Variants in GNA12 observed in about 807,000 individuals in gnomAD.
GNA12 encodes G protein subunit alpha 12, also known as guanine nucleotide-binding protein subunit alpha-12.
Under a neutral mutation model 26.0 loss-of-function variants are expected in GNA12, and 9 were observed. That is an observed-to-expected ratio of 0.35 (90% CI 0.21 to 0.60). GNA12 has a LOEUF of 0.60. Among genes scored for constraint, GNA12 ranks in the 20% least tolerant of loss-of-function variants. The pLI is 0.78. For synonymous variants in GNA12, 264 were observed against 219.6 expected, an observed-to-expected ratio of 1.20 and a Z score of -1.79; for missense variants, 405 against 525.8, an observed-to-expected ratio of 0.77 and a Z score of 2.25.
At chr7:2,820,304 G>A (rs2115494634) in intron 1 of GNA12, among the ~76,000 whole-genome samples, 1 of 152,064 alleles carries the variant, frequency 6.6e-6, no homozygotes, top group South Asian at 2.1e-4. Context: ...ATTGACTGTG[G>A]TGATGGCTGC....
intron 2 of GNA12, among the ~76,000 whole-genome samples, chr7:2,794,266 G>C (rs1222982949): frequency 1.3e-5 from 2 of 152,118 alleles, no homozygotes; most frequent in African/African-American, 4.8e-5. Context: ...GAGAGTGAGA[G>C]GCATTTCTGG....
intron 1 of GNA12, among the ~76,000 whole-genome samples, chr7:2,803,865 G>C (rs1169898746): frequency 2.6e-5 from 4 of 151,614 alleles, no homozygotes; most frequent in Non-Finnish European, 5.9e-5. Flanking sequence ...CAGATCTCCT[G>C]AACTGGAAAG....
At chr7:2,736,199 C>G (rs974223812) in intron 2 of GNA12, among the ~76,000 whole-genome samples, 1 of 152,068 alleles carries the variant, frequency 6.6e-6, no homozygotes, top group African/African-American at 2.4e-5. Flanking sequence ...TGAAATTAAC[C>G]GCTTGGTGGG....
chr7:2,811,324 C>T (rs921100781), intron 1 of GNA12, among the ~76,000 whole-genome samples: 16 of 152,180 alleles, frequency 1.1e-4, no homozygotes, highest in South Asian at 2.1e-4. Context: ...GTGCTGCAAG[C>T]GGGGTGACCT....
intron 2 of GNA12, among the ~76,000 whole-genome samples, chr7:2,768,952 G>A (rs544069060): frequency 1.3e-5 from 2 of 152,312 alleles, no homozygotes; most frequent in African/African-American, 4.8e-5. Flanking sequence ...TTGAGATGGA[G>A]TCTCGCTCCG....
At chr7:2,752,161 G>A (rs947201605) in intron 2 of GNA12, among the ~76,000 whole-genome samples, 2 of 151,718 alleles carry the variant, frequency 1.3e-5, no homozygotes, top group African/African-American at 4.8e-5. Context: ...CACTATTTTA[G>A]CAAAATAAGG....
intron 1 of GNA12, among the ~76,000 whole-genome samples, chr7:2,837,040 G>A (rs1398941850): frequency 6.6e-6 from 1 of 152,210 alleles, no homozygotes; most frequent in Non-Finnish European, 1.5e-5. Context: ...CAAGGAACCA[G>A]GTGACATGCT....
intron 1 of GNA12, among the ~76,000 whole-genome samples, chr7:2,826,144 G>A (rs1277031289): frequency 1.3e-5 from 2 of 152,026 alleles, no homozygotes; most frequent in Admixed American, 6.6e-5. Context: ...TTTGGGAGGC[G>A]CAGGCGGGCA....
rs568055145 is a variant in GNA12 at position 2,840,374 on chromosome 7, G to A, written c.309+3479C>T. Among the ~76,000 whole-genome samples, 4 of 152,272 alleles carry A rather than the reference G, an allele frequency of 2.6e-5. No homozygotes were observed. The South Asian group carries it at 8.3e-4, about 32-fold the overall frequency. ...CTCAATTTCCTCATTCACTAAATGA[G>A]GTAATACCATCTGAAGCATTATGAA... On this transcript the variant is annotated intron_variant, in intron 1 of 3. Transcript: ENST00000275364.
At chr7:2,821,633 T>A in intron 1 of GNA12, among the ~76,000 whole-genome samples, 1 of 152,186 alleles carries the variant, frequency 6.6e-6, no homozygotes, top group East Asian at 1.9e-4. Flanking sequence ...CTGCAGTTAT[T>A]CTATTTTCTC....
intron 1 of GNA12, among the ~76,000 whole-genome samples, chr7:2,810,112 G>C (rs577649460): frequency 1.3e-5 from 2 of 152,352 alleles, no homozygotes; most frequent in South Asian, 4.1e-4. Context: ...CGCTGCATGT[G>C]TTAGTCTGGG....
chr7:2,768,300 G>C (rs556860408), intron 2 of GNA12, among the ~76,000 whole-genome samples: 2 of 152,332 alleles, frequency 1.3e-5, no homozygotes, highest in South Asian at 4.1e-4. Context: ...CAAATGTAGT[G>C]ACTAAGGAAT....
chr7:2,779,645 T>C (rs1792171551), intron 2 of GNA12, among the ~76,000 whole-genome samples: 1 of 152,132 alleles, frequency 6.6e-6, no homozygotes, highest in Non-Finnish European at 1.5e-5. Flanking sequence ...GTCACCCAGG[T>C]TGGAGTGCAG....
intron 1 of GNA12, among the ~76,000 whole-genome samples, chr7:2,795,843 G>A (rs1368277817): frequency 6.7e-6 from 1 of 148,782 alleles, no homozygotes; most frequent in Non-Finnish European, 1.5e-5. Flanking sequence ...TTCTTAGATG[G>A]AGTTTCACTC....
chr7:2,737,264 GTTTTGTTTTGTT>G (rs1293981975), intron 2 of GNA12, among the ~76,000 whole-genome samples: 2 of 52,450 alleles, frequency 3.8e-5, no homozygotes, highest in Non-Finnish European at 8.0e-5. Context: ...CTATCTCACA[GTTTTGTTTTGTT>G]TTTTTTTTTT....
intron 2 of GNA12, among the ~76,000 whole-genome samples, chr7:2,750,980 T>C (rs1643606568): frequency 6.6e-6 from 1 of 152,178 alleles, no homozygotes; most frequent in Admixed American, 6.5e-5. Context: ...TCAAGAAGAA[T>C]TCACAATGTA....
chr7:2,824,973 G>A (rs1162802342), intron 1 of GNA12, among the ~76,000 whole-genome samples: 15 of 152,080 alleles, frequency 9.9e-5, no homozygotes, highest in Admixed American at 9.2e-4. Context: ...CTCTCCCTCA[G>A]GCCCCGTGAG....
chr7:2,831,594 G>A (rs944163808), intron 1 of GNA12, among the ~76,000 whole-genome samples: 2 of 151,718 alleles, frequency 1.3e-5, no homozygotes, highest in Admixed American at 6.6e-5. Context: ...TAGTAGAGAC[G>A]GGGTTTCACC....
chr7:2,766,387 C>CTTTT (rs71026553), intron 2 of GNA12, among the ~76,000 whole-genome samples: 1 of 132,092 alleles, frequency 7.6e-6, no homozygotes, highest in Non-Finnish European at 1.6e-5. Context: ...TTGCTTCCGC[C>CTTTT]TTTTTTTTTT....
Sources: allele counts gnomAD v4.1 joint callset (sites outside exome capture counted in the v4.1 genomes callset), GRCh38; gene constraint gnomAD v4.1.1; transcripts MANE v1.5; gene names NCBI Gene and HGNC (gene_info 2026-07-23, HGNC 2026-07-21).